Variants in GPNMB observed in about 807,000 individuals in gnomAD.
GPNMB encodes glycoprotein nmb.
Under a neutral mutation model 57.3 loss-of-function variants are expected in GPNMB, and 71 were observed. That is an observed-to-expected ratio of 1.24 (90% CI 1.02 to 1.51). GPNMB has a LOEUF of 1.51. GPNMB is among the 40% of genes most tolerant of loss of function. The pLI, the probability that GPNMB is intolerant of heterozygous loss-of-function variation, is 0.00. For missense variants in GPNMB, 677 were observed against 691.9 expected (o/e 0.98, Z 0.24); for synonymous variants, 253 against 263.2 (o/e 0.96, Z 0.38).
rs1202006055 is a variant in GPNMB, at chr7:23,261,931, C to T, written c.1018+1158C>T. On this transcript the variant is annotated intron_variant, in intron 6 of 10. Coordinates refer to ENST00000258733, the MANE Select transcript of GPNMB (RefSeq NM_002510.3). ...GCACTGGCTTCCATCTGATTCCCCA[C>T]GCTACCCCATGCCATCACCACCCTT... Among the ~76,000 whole-genome samples the T allele has an allele frequency of 2.6e-5, 4 of 152,272 alleles. No homozygotes were observed. In the South Asian group the frequency reaches 8.3e-4, roughly 32 times the overall value.
intron 1 of GPNMB, chr7:23,247,747 C>T (rs1360902941): frequency 6.6e-6 from 1 of 152,294 alleles, no homozygotes; most frequent in East Asian, 1.9e-4. Context: ...CCAGGAGACC[C>T]CGCGGCCGCG....
At chr7:23,249,518 A>G (rs928060368) in intron 1 of GPNMB, among the ~76,000 whole-genome samples, 3 of 152,196 alleles carry the variant, frequency 2.0e-5, no homozygotes, top group African/African-American at 7.2e-5. Context: ...TCATTTTGTA[A>G]TTTCCAAAAT....
intron 3 of GPNMB, 126 bp from the exon 4 acceptor site, chr7:23,256,766 T>C: frequency 2.9e-6 from 2 of 684,726 alleles, no homozygotes; most frequent in Non-Finnish European, 5.1e-6. Flanking sequence ...ATTAAGTGTT[T>C]AGTTGTCTAA....
In GPNMB at chr7:23,273,502, C is replaced by G. The variant is rs764691173; in HGVS notation, c.1430-19C>G. 1.3e-6 allele frequency: 2 copies of G among 1,534,394 alleles called. No individual in the cohort carries two copies. Among genetic ancestry groups the G allele is most frequent in the Non-Finnish European group, 1.8e-6 (2 of 1,107,712 alleles). The stretch of plus-strand genomic sequence containing the variant: ...CTAGGTGGAAGACATAACTAACATG[C>G]TCTTGCTTCTGTTTTAAGACCCAGC... On this transcript the variant is annotated intron_variant, in intron 9 of 10. Transcript: ENST00000258733.
At chr7:23,266,468 T>A in intron 6 of GPNMB, 49 bp from the exon 7 acceptor site, 1 of 1,592,216 alleles carries the variant, frequency 6.3e-7, no homozygotes, top group Non-Finnish European at 8.6e-7. Context: ...ACATGTATCT[T>A]TTATGTTCGT....
intron 1 of GPNMB, among the ~76,000 whole-genome samples, chr7:23,249,047 G>T (rs1381646719): frequency 1.3e-5 from 2 of 152,138 alleles, no homozygotes; most frequent in Non-Finnish European, 1.5e-5. Flanking sequence ...AGAATGCTAG[G>T]ACTACAGGCA....
intron 9 of GPNMB, among the ~76,000 whole-genome samples, chr7:23,270,925 T>C (rs1404882653): frequency 6.6e-6 from 1 of 152,208 alleles, no homozygotes; most frequent in Non-Finnish European, 1.5e-5. Flanking sequence ...AAGATATTAC[T>C]TGTGGCTTAG....
chr7:23,254,227 A>G lies in GPNMB; in HGVS notation c.282A>G (p.Ile94Met). ...SDSPALVGSN[I>M]TFAVNLIFPR... ...CACCAGCCCTCGTGGGCTCAAATAT[A>G]ACATTTGCGGTGAACCTGATATTCC... The change falls in exon 3 of 11, where the codon ATA becomes ATG. Residue 94 changes from isoleucine to methionine, a missense_variant. By Grantham distance (10) the Ile-to-Met change is conservative. Coordinates refer to ENST00000258733, the MANE Select transcript of GPNMB (RefSeq NM_002510.3). The G allele has an allele frequency of 6.2e-7, 1 of 1,614,028 alleles. No individual in the cohort carries two copies. The highest frequency in any genetic ancestry group is 1.6e-4 in the Middle Eastern group (1 of 6,062).
At position 23,266,480 on chromosome 7, in the gene GPNMB, G is replaced by A. The variant is rs750981123; in HGVS notation, c.1019-37G>A. ...ATCACATGTATCTTTTATGTTCGTA[G>A]CAACTACTCTAAAATCTTATGATTC... On this transcript the variant is annotated intron_variant, in intron 6 of 10. Coordinates refer to ENST00000258733, the MANE Select transcript of GPNMB (RefSeq NM_002510.3). 10 of 1,598,756 alleles carry A rather than the reference G, an allele frequency of 6.3e-6. No homozygotes were observed. In the South Asian group the frequency reaches 6.8e-5, roughly 11 times the overall value.
intron 4 of GPNMB, among the ~76,000 whole-genome samples, chr7:23,258,446 A>G (rs1782833994): frequency 6.6e-6 from 1 of 152,198 alleles, no homozygotes; most frequent in African/African-American, 2.4e-5. Flanking sequence ...CCAACTCACC[A>G]AACATTTCTT....
rs961132386 is a variant in GPNMB at position 23,272,635 on chromosome 7, C to CT, written c.1430-883dup. On this transcript the variant is annotated intron_variant, in intron 9 of 10. Transcript: ENST00000258733. ...TCATTCTTCAAAGCAAACCTATAGA[C>CT]TTTAGTTGAAGTGACTTTTATGTAT... Among the ~76,000 whole-genome samples the CT allele has an allele frequency of 2.0e-4, 31 of 152,282 alleles. 1 individual carries two copies. The highest frequency in any genetic ancestry group is 5.1e-4 in the African/African-American group (21 of 41,550).
chr7:23,248,612 C>A (rs1177776386), intron 1 of GPNMB, among the ~76,000 whole-genome samples: 1 of 152,040 alleles, frequency 6.6e-6, no homozygotes, highest in Non-Finnish European at 1.5e-5. Flanking sequence ...TGGAGGCAGC[C>A]CAGCCACCAC....
At chr7:23,250,213 A>C (rs1354761778) in intron 1 of GPNMB, among the ~76,000 whole-genome samples, 1 of 152,148 alleles carries the variant, frequency 6.6e-6, no homozygotes, top group Non-Finnish European at 1.5e-5. Flanking sequence ...AATTTCTCCC[A>C]GTCTGTAGCT....
chr7:23,257,248 C>T lies in GPNMB; in HGVS notation c.541+183C>T, dbSNP rs115699333. On this transcript the variant is annotated intron_variant, in intron 4 of 10. Coordinates refer to ENST00000258733, the MANE Select transcript of GPNMB (RefSeq NM_002510.3). ...GAAATCTTGGTTAACCTTGCCAAAT[C>T]TCCAGGACACCGAAGAGTTAAAAAG... 2.1e-3 allele frequency: 1,353 copies of T among 640,314 alleles called. 20 individuals carry two copies. Among genetic ancestry groups the T allele is most frequent in the African/African-American group, 0.021 (1,143 of 54,802 alleles). 39.7% of individuals were successfully genotyped at this position (640,314 alleles called of 1,614,324 possible).
Position 23,256,052 on chromosome 7 carries a change from G to A in GPNMB, c.368-840G>A, listed in dbSNP as rs113667111. On this transcript the variant is annotated intron_variant, in intron 3 of 10. Coordinates refer to ENST00000258733, the MANE Select transcript of GPNMB (RefSeq NM_002510.3). ...GTCCCAAGTAGCTGGGATTATAGGC[G>A]CATGCAGCATGACTGGCTAATTTTT... Among the ~76,000 whole-genome samples, 993 of 152,146 alleles carry A rather than the reference G, an allele frequency of 6.5e-3. 11 individuals are homozygous for A. The highest frequency in any genetic ancestry group is 0.023 in the African/African-American group (938 of 41,510).
chr7:23,267,998 T>G lies in GPNMB; in HGVS notation c.1220+10T>G. Reference sequence around the variant, plus strand: ...TGACCTGCCAAGGGAGGTGAGTATATTATCTCCGACAGAGGCATGGGTGGG... The same window carrying G: ...TGACCTGCCAAGGGAGGTGAGTATAGTATCTCCGACAGAGGCATGGGTGGG... On this transcript the variant is annotated intron_variant, in intron 8 of 10. Coordinates refer to ENST00000258733, the MANE Select transcript of GPNMB (RefSeq NM_002510.3). The G allele has an allele frequency of 6.5e-7, 1 of 1,548,482 alleles. No individual in the cohort carries two copies. The highest frequency in any genetic ancestry group is 8.8e-7 in the Non-Finnish European group (1 of 1,136,484).
At chr7:23,270,201 A>G in intron 9 of GPNMB, 26 bp downstream of exon 9, 1 of 1,501,576 alleles carries the variant, frequency 6.7e-7, no homozygotes, top group Non-Finnish European at 9.3e-7. Context: ...TGGCCATATG[A>G]GCATTTCATA....
chr7:23,250,659 C>G (rs966235173), intron 1 of GPNMB: 2 of 152,096 alleles, frequency 1.3e-5, no homozygotes, highest in Admixed American at 6.5e-5. Flanking sequence ...TCCCTTGTAA[C>G]TCTCCTTTTA....
At chr7:23,264,267 T>C (rs1783004868) in intron 6 of GPNMB, among the ~76,000 whole-genome samples, 1 of 152,180 alleles carries the variant, frequency 6.6e-6, no homozygotes, top group Non-Finnish European at 1.5e-5. Context: ...GTTGACCTTC[T>C]TTCTCATCTG....
Sources: gnomAD v4.1 joint callset for allele counts (sites outside exome capture counted in the v4.1 genomes callset) on GRCh38, gnomAD v4.1.1 for gene constraint, MANE v1.5 for transcripts, NCBI Gene and HGNC (gene_info 2026-07-23, HGNC 2026-07-21) for gene names.